MEAK7: variants seen among roughly 807,000 people sequenced by gnomAD.
The protein encoded by MEAK7 is MTOR associated protein MEAK7, also known as MTOR-associated protein MEAK7.
MEAK7 carries 68 observed loss-of-function variants against 40.5 expected under a neutral mutation model. That is an observed-to-expected ratio of 1.68 (90% CI 1.38 to 2.06). MEAK7 has a LOEUF of 2.06. Ranked by LOEUF, MEAK7 falls within the 30% of genes most tolerant of loss-of-function variation. MEAK7 has a pLI of 0.00. For missense variants in MEAK7, 918 were observed against 580.5 expected, an observed-to-expected ratio of 1.58 and a Z score of -5.98; for synonymous variants, 338 against 231.9, an observed-to-expected ratio of 1.46 and a Z score of -4.16.
chr16:84,490,933 A>T (rs894528295), intron 3 of MEAK7, among the ~76,000 whole-genome samples: 1 of 152,114 alleles, frequency 6.6e-6, no homozygotes, highest in South Asian at 2.1e-4. Flanking sequence ...GTTTCTTTAC[A>T]GAACCCCAAA....
chr16:84,499,140 T>C (rs958088442), intron 1 of MEAK7, among the ~76,000 whole-genome samples: 1 of 152,200 alleles, frequency 6.6e-6, no homozygotes, highest in Admixed American at 6.5e-5. Context: ...GCAGGTGACC[T>C]GGGGCCTTGT....
chr16:84,482,519 C>T, intron 6 of MEAK7, 73 bp downstream of exon 6: 3 of 1,609,922 alleles, frequency 1.9e-6, no homozygotes, highest in Non-Finnish European at 2.5e-6. Flanking sequence ...ATCTGTGGAG[C>T]TGAGCCTCGG....
chr16:84,500,999 G>A (rs1418653990), intron 1 of MEAK7, among the ~76,000 whole-genome samples: 4 of 150,904 alleles, frequency 2.7e-5, no homozygotes, highest in South Asian at 2.1e-4. Context: ...GGAGGCTGAG[G>A]CAGAAGAATT....
rs1427556127 is a variant in MEAK7, at chr16:84,476,844, A to G, written c.*3069T>C. The G allele has an allele frequency of 6.6e-6, 1 of 152,246 alleles. No individual in the cohort carries two copies. The highest frequency in any genetic ancestry group is 2.4e-5 in the African/African-American group (1 of 41,454). 9.4% of individuals were successfully genotyped at this position (152,246 alleles called of 1,614,324 possible). On this transcript the variant is annotated 3_prime_UTR_variant, in exon 8 of 8. Coordinates refer to ENST00000343629, the MANE Select transcript of MEAK7 (RefSeq NM_020947.4). ...GAAAATAGCTGGAGAAGAGGCAGGA[A>G]GATGACTGACTTTAAGTTGTATCCT...
intron 4 of MEAK7, 147 bp from the exon 5 acceptor site, chr16:84,487,206 G>A (rs915721212): frequency 3.6e-5 from 25 of 699,728 alleles, no homozygotes; most frequent in African/African-American, 5.4e-5. Context: ...GAGAGGTGCC[G>A]TCAGTGTAAA....
chr16:84,504,084 CAGA>C, intron 1 of MEAK7: 1 of 985,568 alleles, frequency 1.0e-6, no homozygotes, highest in Non-Finnish European at 1.2e-6. Context: ...TCCTGTGGGC[CAGA>C]AGGTGACCTG....
At chr16:84,485,225 C>A (rs1052221424) in intron 5 of MEAK7, among the ~76,000 whole-genome samples, 9 of 152,334 alleles carry the variant, frequency 5.9e-5, no homozygotes, top group South Asian at 2.1e-4. Context: ...AGGGCCGGCC[C>A]TGGGCTGGCA....
chr16:84,486,129 G>A (rs1442603796), intron 5 of MEAK7: 1 of 153,844 alleles, frequency 6.5e-6, no homozygotes, highest in East Asian at 1.9e-4. Flanking sequence ...CCTGGCCTGT[G>A]TTTTAAATAT....
chr16:84,492,008 G>A (rs1013158553), intron 3 of MEAK7, among the ~76,000 whole-genome samples: 2 of 152,066 alleles, frequency 1.3e-5, no homozygotes, highest in South Asian at 2.1e-4. Flanking sequence ...CTTCAACACT[G>A]AAAACAATTA....
At position 84,490,766 on chromosome 16, in the gene MEAK7, T is replaced by C. The variant is rs1226692559; in HGVS notation, c.385-1344A>G. ...TTTAGAAAAAAGAAGATTTATTTCC[T>C]TCTCAATCAACTGAATTTTTTTCTC... On this transcript the variant is annotated intron_variant, in intron 3 of 7. Coordinates refer to ENST00000343629, the MANE Select transcript of MEAK7 (RefSeq NM_020947.4). Among the ~76,000 whole-genome samples the C allele has an allele frequency of 1.1e-4, 17 of 150,294 alleles. No individual in the cohort carries two copies. The East Asian group carries it at 2.6e-3, about 23-fold the overall frequency.
At chr16:84,483,607 G>A (rs1034614780) in intron 5 of MEAK7, among the ~76,000 whole-genome samples, 1 of 152,236 alleles carries the variant, frequency 6.6e-6, no homozygotes, top group African/African-American at 2.4e-5. Flanking sequence ...AAGACCAGGA[G>A]GCTGGAAGAG....
intron 1 of MEAK7, chr16:84,502,735 G>C (rs148146215): frequency 9.8e-5 from 15 of 152,362 alleles, no homozygotes; most frequent in African/African-American, 3.6e-4. Context: ...GCCGGGTGTG[G>C]TGGCGTGTGA....
At chr16:84,501,169 G>C (rs79811536) in intron 1 of MEAK7, among the ~76,000 whole-genome samples, 3,101 of 151,918 alleles carry the variant, frequency 0.02, 82 homozygotes, top group African/African-American at 0.056. Flanking sequence ...TGTGGCCTGG[G>C]GGTGTAACAA....
chr16:84,482,485 C>A (rs1912650900), intron 6 of MEAK7, 107 bp downstream of exon 6: 1 of 1,562,920 alleles, frequency 6.4e-7, no homozygotes, highest in South Asian at 1.2e-5. Flanking sequence ...GCGTGAGGAA[C>A]TGAATGCCAC....
At chr16:84,496,226 G>A (rs534159847) in intron 2 of MEAK7, among the ~76,000 whole-genome samples, 18 of 152,156 alleles carry the variant, frequency 1.2e-4, no homozygotes, top group Admixed American at 1.1e-3. Context: ...GAACATCCAT[G>A]GTGCCCTGCA....
Position 84,479,466 on chromosome 16 carries a change from CCTAAT to C in MEAK7, c.*442_*446del. On this transcript the variant is annotated 3_prime_UTR_variant, in exon 8 of 8. Coordinates refer to ENST00000343629, the MANE Select transcript of MEAK7 (RefSeq NM_020947.4). ...GAATTCCCTAATGCCAGCGGAATTCCCTAATGCCAGCGGAATTCCCTAATGCCAGC... is the reference window on the plus strand; with the variant it reads ...GAATTCCCTAATGCCAGCGGAATTCCGCCAGCGGAATTCCCTAATGCCAGC... The C allele has an allele frequency of 9.1e-6, 1 of 109,628 alleles. No homozygotes were observed. Among genetic ancestry groups the C allele is most frequent in the Admixed American group, 9.9e-5 (1 of 10,074 alleles). The allele number at this position is 109,628 out of a possible 1,614,324, so 6.8% of individuals were successfully genotyped here. A position where few individuals can be genotyped will look rare whatever the true frequency, so the allele number is the denominator to read the frequency against.
chr16:84,491,707 G>A (rs551145791), intron 3 of MEAK7, among the ~76,000 whole-genome samples: 145 of 151,274 alleles, frequency 9.6e-4, no homozygotes, highest in Admixed American at 2.0e-3. Context: ...GCGTGGTGGC[G>A]TGCACCTGTA....
At position 84,486,980 on chromosome 16, in the gene MEAK7, G is replaced by A; in HGVS notation, c.609C>T (p.Val203=). 2 of 1,614,156 alleles carry A rather than the reference G, an allele frequency of 1.2e-6. No individual in the cohort carries two copies. Among genetic ancestry groups the A allele is most frequent in the South Asian group, 1.1e-5 (1 of 91,082 alleles). The change falls in exon 5 of 8, where the codon GTC becomes GTT. Residue 203 remains valine, a synonymous_variant. Coordinates refer to ENST00000343629, the MANE Select transcript of MEAK7 (RefSeq NM_020947.4). ...CACTCAGGAATATGGCCACATGGGG[G>A]ACCCTGAACACCCAGTCCTCGATCA... is the stretch of plus-strand genomic sequence containing the variant. The part of the protein sequence containing the change: ...RAVIEDWVFR[V]PHVAIFLSVV...
At chr16:84,501,187 G>C (rs1914476679) in intron 1 of MEAK7, among the ~76,000 whole-genome samples, 1 of 151,280 alleles carries the variant, frequency 6.6e-6, no homozygotes, top group South Asian at 2.1e-4. Flanking sequence ...CAAGAAGAGT[G>C]AAGAGTGGAA....
Sources: gnomAD v4.1 joint callset for allele counts (sites outside exome capture counted in the v4.1 genomes callset) on GRCh38, gnomAD v4.1.1 for gene constraint, MANE v1.5 for transcripts, NCBI Gene and HGNC (gene_info 2026-07-23, HGNC 2026-07-21) for gene names.